Variants in TENM1 observed in about 807,000 individuals in gnomAD.
TENM1 encodes teneurin transmembrane protein 1.
Under a neutral mutation model 174.8 loss-of-function variants are expected in TENM1, and 35 were observed. The observed-to-expected ratio is 0.20, with a 90% CI of 0.15 to 0.27. The LOEUF (loss-of-function observed/expected upper bound fraction) is 0.27. TENM1 is among the 10% of genes least tolerant of loss of function. The pLI is 1.00. For missense variants in TENM1, 1,633 were observed against 2,130.1 expected (o/e 0.77, Z 4.59); for synonymous variants, 781 against 798.7 (o/e 0.98, Z 0.37).
intron 26 of TENM1, among the ~76,000 whole-genome samples, chrX:124,405,493 A>T (rs1294358794): frequency 9.1e-6 from 1 of 109,854 alleles, no homozygotes; most frequent in African/African-American, 3.3e-5. Flanking sequence ...TGGATAAAAG[A>T]CTCTTGTCTA....
chrX:125,184,814 A>T, the TENM1 span, among the ~76,000 whole-genome samples: 1 of 111,706 alleles, frequency 9.0e-6, no homozygotes, highest in African/African-American at 3.3e-5. Flanking sequence ...GGGAAAAAAA[A>T]TCAATGCTTT....
At chrX:125,086,418 C>A in the TENM1 span, among the ~76,000 whole-genome samples, 1 of 110,500 alleles carries the variant, frequency 9.0e-6, no homozygotes, top group Non-Finnish European at 1.9e-5. Context: ...CAGAAAAAAA[C>A]ATATATTTTT....
chrX:124,391,111 G>A (rs1485129436), intron 28 of TENM1, among the ~76,000 whole-genome samples: 1 of 111,286 alleles, frequency 9.0e-6, no homozygotes, highest in Non-Finnish European at 1.9e-5. Context: ...GTTTAACTTT[G>A]GGGAGGGCGT....
Position 124,855,074 on chromosome X carries a change from C to T in TENM1, c.535+39222G>A, listed in dbSNP as rs1464241826. ...ATAGTCTTATTACCTATATAATTTT[C>T]ATTATTGTTATTTTGAGATGTTCTG... is the stretch of plus-strand genomic sequence containing the variant. On this transcript the variant is annotated intron_variant, in intron 3 of 31. Transcript: ENST00000422452. Among the ~76,000 whole-genome samples the T allele has an allele frequency of 2.7e-5, 3 of 111,329 alleles. No homozygotes were observed. In the East Asian group the frequency reaches 8.5e-4, roughly 31 times the overall value.
chrX:124,380,323 T>C (rs772359429), exon 32 of TENM1: 1 of 362,198 alleles, frequency 2.8e-6, no homozygotes, highest in South Asian at 7.9e-5. Context: ...TTTTGAATAC[T>C]GCCACACAAG....
chrX:124,944,113 GAT>G (rs2058367730), intron 1 of TENM1, among the ~76,000 whole-genome samples: 1 of 111,432 alleles, frequency 9.0e-6, no homozygotes, highest in Non-Finnish European at 1.9e-5. Context: ...GTATAAAAGA[GAT>G]ATCCTGCTTA....
chrX:124,984,266 C>G, the TENM1 span, among the ~76,000 whole-genome samples: 5 of 111,760 alleles, frequency 4.5e-5, no homozygotes, highest in African/African-American at 1.6e-4. Context: ...CTCTTTCATC[C>G]AAGGTTACTT....
At chrX:124,397,526 T>C (rs553553104) in intron 27 of TENM1, among the ~76,000 whole-genome samples, 56 of 111,987 alleles carry the variant, frequency 5.0e-4, no homozygotes, top group Middle Eastern at 9.2e-3. Context: ...GCTGAAGAAG[T>C]TGGAAGGTAA....
At position 124,583,344 on chromosome X, in the gene TENM1, G is replaced by A. The variant is rs200130421; in HGVS notation, c.2078-17784C>T. 3.6e-5 allele frequency among the ~76,000 whole-genome samples: 4 copies of A among 111,590 alleles called. No homozygotes were observed. The East Asian group carries it at 1.1e-3, about 32-fold the overall frequency. On this transcript the variant is annotated intron_variant, in intron 11 of 31. Coordinates refer to ENST00000422452, the Ensembl canonical transcript of TENM1. ...GTACTCCTCTGAGACAAAACTTCCA[G>A]AGGAATGATCAGACAGCACCATTCA...
At chrX:124,965,743 C>T (rs939977687), upstream of TENM1, among the ~76,000 whole-genome samples, 3 of 111,056 alleles carry the variant, frequency 2.7e-5, no homozygotes, top group African/African-American at 9.8e-5. Context: ...AATCTAATCT[C>T]ACGCCAGTAT....
the TENM1 span, among the ~76,000 whole-genome samples, chrX:125,022,193 A>G: frequency 1.8e-5 from 2 of 112,121 alleles, no homozygotes; most frequent in Admixed American, 9.5e-5. Context: ...AAGGAGAATG[A>G]CATAGCTTTA....
At chrX:124,424,352 A>T (rs2060686997) in intron 23 of TENM1, among the ~76,000 whole-genome samples, 1 of 112,068 alleles carries the variant, frequency 8.9e-6, no homozygotes. Flanking sequence ...CCACTCTTGC[A>T]GCTATTTGAA....
At chrX:124,651,282 G>A (rs967944597) in intron 8 of TENM1, among the ~76,000 whole-genome samples, 13 of 111,207 alleles carry the variant, frequency 1.2e-4, no homozygotes, top group Non-Finnish European at 2.5e-4. Flanking sequence ...AACTAATTAG[G>A]GTGAAAGTGA....
chrX:124,603,987 C>T (rs1363284096), intron 11 of TENM1, among the ~76,000 whole-genome samples: 1 of 111,306 alleles, frequency 9.0e-6, no homozygotes, highest in Non-Finnish European at 1.9e-5. Flanking sequence ...AATCATTACA[C>T]CTTATGTAGT....
At chrX:124,985,089 C>T in the TENM1 span, among the ~76,000 whole-genome samples, 1 of 112,156 alleles carries the variant, frequency 8.9e-6, no homozygotes, top group South Asian at 3.7e-4. Context: ...ACAGTCAACC[C>T]TCAGTGTTCT....
At chrX:125,196,029 G>C in the TENM1 span, among the ~76,000 whole-genome samples, 1 of 106,447 alleles carries the variant, frequency 9.4e-6, no homozygotes, top group Non-Finnish European at 1.9e-5. Context: ...AAGGAAGGAA[G>C]GAAGGAAGGA....
Position 124,497,138 on chromosome X carries a change from G to A in TENM1, c.3573C>T (p.Asn1191=), listed in dbSNP as rs771158031. ...AGGCGACAGGAGCAAAGAGTTTGTT[G>A]TTGTGGGCTGGGCCATTGCAGTTGG... The change falls in exon 20 of 32, where the codon AAC becomes AAT. Residue 1191 remains asparagine (N), a synonymous_variant. Transcript: ENST00000422452. 4.4e-5 allele frequency: 53 copies of A among 1,208,387 alleles called. 1 individual carries two copies. Among genetic ancestry groups the A allele is most frequent in the Non-Finnish European group, 5.7e-5 (51 of 894,592 alleles).
chrX:124,657,491 GTGGCGGTA>G (rs1224317736), intron 6 of TENM1, among the ~76,000 whole-genome samples: 1 of 111,659 alleles, frequency 9.0e-6, no homozygotes, highest in East Asian at 2.8e-4. Flanking sequence ...AATGTGTGCA[GTGGCGGTA>G]TCACCTAAAT....
chrX:124,693,969 T>A, intron 5 of TENM1, among the ~76,000 whole-genome samples: 1 of 111,496 alleles, frequency 9.0e-6, no homozygotes. Context: ...GCTTTTAAAA[T>A]CAATAATGGC....
Sources: allele counts gnomAD v4.1 joint callset (sites outside exome capture counted in the v4.1 genomes callset), GRCh38; gene constraint gnomAD v4.1.1; transcripts MANE v1.5; gene names NCBI Gene and HGNC (gene_info 2026-07-23, HGNC 2026-07-21).